Variants in GSTCD observed in about 807,000 individuals in gnomAD.
The protein encoded by GSTCD is glutathione S-transferase C-terminal domain-containing protein.
GSTCD carries 44 observed loss-of-function variants against 68.3 expected under a neutral mutation model. That is an observed-to-expected ratio of 0.64 (90% CI 0.51 to 0.83). The LOEUF (loss-of-function observed/expected upper bound fraction) is 0.83. Ranked by LOEUF, GSTCD falls within the 40% of genes least tolerant of loss-of-function variation. The pLI is 0.00. For synonymous variants in GSTCD, 273 were observed against 255.2 expected (o/e 1.07, Z -0.67); for missense variants, 739 against 735.9 (o/e 1.00, Z -0.05).
chr4:105,739,289 A>G (rs1382211767), intron 5 of GSTCD, among the ~76,000 whole-genome samples: 1 of 151,996 alleles, frequency 6.6e-6, no homozygotes, highest in Non-Finnish European at 1.5e-5. Flanking sequence ...ATATTGGCCT[A>G]TAGTTTTCTT....
At chr4:105,801,217 A>G (rs889740783) in intron 5 of GSTCD, among the ~76,000 whole-genome samples, 1 of 152,190 alleles carries the variant, frequency 6.6e-6, no homozygotes, top group Admixed American at 6.5e-5. Flanking sequence ...GATCAAGTGC[A>G]ACCTCAGCTA....
rs151319861 is a variant in GSTCD, at chr4:105,802,230, A to G, written c.1241-20724A>G. Reference sequence around the variant, plus strand: ...TCTCTAAATACTTGAATATGTTTCTACTGCCTTCATATGTAAATGCAGCTG... The same window carrying G: ...TCTCTAAATACTTGAATATGTTTCTGCTGCCTTCATATGTAAATGCAGCTG... On this transcript the variant is annotated intron_variant, in intron 5 of 11. Coordinates refer to ENST00000515279, the MANE Select transcript of GSTCD (RefSeq NM_001370181.1). Among the ~76,000 whole-genome samples the G allele has an allele frequency of 1.4e-3, 210 of 152,198 alleles. 2 individuals carry two copies. The highest frequency in any genetic ancestry group is 7.9e-3 in the East Asian group (41 of 5,168).
intron 5 of GSTCD, among the ~76,000 whole-genome samples, chr4:105,764,309 C>T (rs532116399): frequency 6.6e-6 from 1 of 152,110 alleles, no homozygotes; most frequent in African/African-American, 2.4e-5. Flanking sequence ...TATATAAATG[C>T]TAATTTATAC....
intron 1 of GSTCD, among the ~76,000 whole-genome samples, chr4:105,710,246 T>A (rs1041760040): frequency 1.4e-5 from 2 of 143,372 alleles, no homozygotes; most frequent in Non-Finnish European, 3.0e-5. Context: ...TTTTTTTTTT[T>A]TTTTTTTTTG....
At chr4:105,842,897 A>C (rs1233185798) in intron 11 of GSTCD, among the ~76,000 whole-genome samples, 1 of 152,182 alleles carries the variant, frequency 6.6e-6, no homozygotes, top group Non-Finnish European at 1.5e-5. Flanking sequence ...CTGGACATGA[A>C]GTTCTTGTCC....
chr4:105,825,377 G>C (rs763637371), intron 7 of GSTCD, among the ~76,000 whole-genome samples: 4 of 152,150 alleles, frequency 2.6e-5, no homozygotes, highest in South Asian at 2.1e-4. Flanking sequence ...TGATCCGCTT[G>C]CCTCGGCCTC....
intron 9 of GSTCD, among the ~76,000 whole-genome samples, chr4:105,837,240 C>T (rs190166670): frequency 1.2e-4 from 18 of 152,244 alleles, no homozygotes; most frequent in African/African-American, 4.3e-4. Flanking sequence ...AGCCCTTATC[C>T]CACAACTACC....
intron 3 of GSTCD, among the ~76,000 whole-genome samples, chr4:105,722,186 A>G (rs533428356): frequency 2.6e-4 from 40 of 152,244 alleles, no homozygotes; most frequent in African/African-American, 9.6e-4. Context: ...ATACACACAC[A>G]CACACAGACA....
At chr4:105,728,122 T>C (rs937110457) in intron 4 of GSTCD, among the ~76,000 whole-genome samples, 26 of 152,192 alleles carry the variant, frequency 1.7e-4, no homozygotes, top group Non-Finnish European at 5.9e-5. Flanking sequence ...GTGTCTTGAT[T>C]ATATTACTAC....
At chr4:105,710,637 A>C in intron 1 of GSTCD, among the ~76,000 whole-genome samples, 1 of 152,204 alleles carries the variant, frequency 6.6e-6, no homozygotes, top group East Asian at 1.9e-4. Flanking sequence ...AACAAAGAAT[A>C]AATACTTGGA....
At chr4:105,722,800 C>A (rs572138936) in intron 3 of GSTCD, among the ~76,000 whole-genome samples, 1 of 150,446 alleles carries the variant, frequency 6.6e-6, no homozygotes, top group African/African-American at 2.4e-5. Context: ...TTAAAGAACT[C>A]TGTGATATTT....
At chr4:105,816,420 AG>A (rs1469459086) in intron 5 of GSTCD, among the ~76,000 whole-genome samples, 8 of 152,086 alleles carry the variant, frequency 5.3e-5, no homozygotes, top group African/African-American at 1.7e-4. Context: ...CTTTCTGGAA[AG>A]GGTGAGACCC....
chr4:105,726,526 G>A (rs1408447255), intron 3 of GSTCD, 53 bp from the exon 4 acceptor site: 2 of 1,181,146 alleles, frequency 1.7e-6, no homozygotes, highest in Admixed American at 2.7e-5. Context: ...CCTCAACACA[G>A]CTATTATAAA....
At position 105,784,369 on chromosome 4, in the gene GSTCD, G is replaced by A. The variant is rs186791042; in HGVS notation, c.1241-38585G>A. 3.3e-5 allele frequency among the ~76,000 whole-genome samples: 5 copies of A among 152,232 alleles called. No homozygotes were observed. The East Asian group carries it at 9.7e-4, about 29-fold the overall frequency. ...CACATGAGACAGAGAGAGACACCAG[G>A]GACCAGACTAGCTTTATAACAATTC... is the stretch of plus-strand genomic sequence containing the variant. On this transcript the variant is annotated intron_variant, in intron 5 of 11. Coordinates refer to ENST00000515279, the MANE Select transcript of GSTCD (RefSeq NM_001370181.1).
chr4:105,715,312 C>G (rs1732650373), intron 1 of GSTCD, among the ~76,000 whole-genome samples: 1 of 152,074 alleles, frequency 6.6e-6, no homozygotes, highest in African/African-American at 2.4e-5. Flanking sequence ...TATAAAAAAA[C>G]TCTTTGAACT....
At chr4:105,795,681 A>T (rs1316105727) in intron 5 of GSTCD, among the ~76,000 whole-genome samples, 1 of 152,132 alleles carries the variant, frequency 6.6e-6, no homozygotes, top group South Asian at 2.1e-4. Flanking sequence ...GCCTTCACAT[A>T]CATTTAGGGA....
At chr4:105,737,049 C>T (rs920467553) in intron 5 of GSTCD, among the ~76,000 whole-genome samples, 1 of 152,090 alleles carries the variant, frequency 6.6e-6, no homozygotes, top group Non-Finnish European at 1.5e-5. Flanking sequence ...CTGCAATAAA[C>T]ATGTAAGGGC....
intron 5 of GSTCD, chr4:105,815,135 C>T (rs1023081854): frequency 2.6e-5 from 4 of 152,158 alleles, no homozygotes; most frequent in Non-Finnish European, 5.9e-5. Context: ...ATAACCTCTG[C>T]AAAGCTTAGT....
At chr4:105,834,676 G>T in intron 9 of GSTCD, 82 bp downstream of exon 9, 6 of 1,280,462 alleles carry the variant, frequency 4.7e-6, no homozygotes, top group Non-Finnish European at 6.4e-6. Context: ...AAGTTGCAAT[G>T]ACTTAATTTT....
Sources: gnomAD v4.1 joint callset for allele counts (sites outside exome capture counted in the v4.1 genomes callset) on GRCh38, gnomAD v4.1.1 for gene constraint, MANE v1.5 for transcripts, NCBI Gene and HGNC (gene_info 2026-07-23, HGNC 2026-07-21) for gene names.